Variants in VPS54 observed in about 807,000 individuals in gnomAD.
VPS54 encodes the protein VPS54 subunit of GARP complex.
VPS54 carries 45 observed loss-of-function variants against 121.5 expected under a neutral mutation model. That is an observed-to-expected ratio of 0.37 (90% confidence interval 0.29 to 0.47). VPS54 has a LOEUF of 0.47. VPS54 is among the 20% of genes least tolerant of loss of function. The pLI is 0.99. For synonymous variants in VPS54, 371 were observed against 385.8 expected (o/e 0.96, Z 0.45); for missense variants, 1,090 against 1,131.4 (o/e 0.96, Z 0.52).
At chr2:63,977,296 T>C (rs937579173) in intron 3 of VPS54, among the ~76,000 whole-genome samples, 2 of 152,238 alleles carry the variant, frequency 1.3e-5, no homozygotes, top group African/African-American at 4.8e-5. Context: ...TTAAATTTGC[T>C]CTTCTTTTGA....
Position 63,983,936 on chromosome 2 carries a change from T to C in VPS54, c.64A>G (p.Ile22Val), listed in dbSNP as rs1165249993. Residue 22 changes from isoleucine to valine, a missense_variant, in exon 2 of 23, where the codon ATA (isoleucine) becomes GTA (valine). Ile to Val is a conservative substitution (Grantham distance 29). This residue lies in a region of VPS54 where 801 missense variants were observed against 757.0 expected (regional missense o/e 1.06). Transcript: ENST00000272322. Reference protein sequence around the residue: ...QGSSSDVFFKIEVDPSKHIRP... With the variant: ...QGSSSDVFFKVEVDPSKHIRP... ...ATGTGTTTTGACGGATCTACCTCTA[T>C]TTTAAAGAAAACATCACTGCTGCTT... The C allele has an allele frequency of 8.7e-6, 14 of 1,613,974 alleles. No homozygotes were observed. In the East Asian group the frequency reaches 2.9e-4, roughly 33 times the overall value.
intron 9 of VPS54, among the ~76,000 whole-genome samples, chr2:63,946,024 C>T (rs1674961590): frequency 6.6e-6 from 1 of 152,060 alleles, no homozygotes; most frequent in Admixed American, 6.6e-5. Context: ...ATACCCAGAG[C>T]TCCTCCCCTA....
chr2:63,919,655 T>C (rs1271945275), intron 15 of VPS54, among the ~76,000 whole-genome samples: 1 of 152,088 alleles, frequency 6.6e-6, no homozygotes, highest in African/African-American at 2.4e-5. Context: ...ACTGGAGTAA[T>C]GCATGTAAAG....
chr2:64,013,660 TGATA>T (rs908365750), intron 1 of VPS54, among the ~76,000 whole-genome samples: 4 of 145,786 alleles, frequency 2.7e-5, no homozygotes, highest in African/African-American at 1.0e-4. Flanking sequence ...AGATATATAT[TGATA>T]TATATATCTA....
chr2:63,897,820 C>T (rs1436936030), intron 21 of VPS54, among the ~76,000 whole-genome samples: 2 of 152,024 alleles, frequency 1.3e-5, no homozygotes, highest in African/African-American at 2.4e-5. Context: ...GAAAAATTCC[C>T]GTAAGTGGGA....
chr2:63,938,829 ATGTT>A (rs1674585055), intron 11 of VPS54, among the ~76,000 whole-genome samples: 1 of 152,220 alleles, frequency 6.6e-6, no homozygotes. Context: ...CTGTGGATGG[ATGTT>A]TGTTAACAGT....
intron 22 of VPS54, among the ~76,000 whole-genome samples, chr2:63,894,347 T>G (rs1672350606): frequency 6.6e-6 from 1 of 152,166 alleles, no homozygotes; most frequent in Non-Finnish European, 1.5e-5. Flanking sequence ...ATGGCATGGT[T>G]ATAATGGAAA....
chr2:63,922,954 T>C (rs1673712894), intron 12 of VPS54, among the ~76,000 whole-genome samples: 1 of 151,402 alleles, frequency 6.6e-6, no homozygotes, highest in African/African-American at 2.4e-5. Flanking sequence ...AAAGAGTGAA[T>C]TAATCCAAAA....
At chr2:63,970,232 C>T (rs1162327564) in intron 4 of VPS54, among the ~76,000 whole-genome samples, 1 of 60,664 alleles carries the variant, frequency 1.6e-5, no homozygotes, top group Non-Finnish European at 3.6e-5. Flanking sequence ...CACACACACA[C>T]ACACATTCTA....
intron 17 of VPS54, 133 bp from the exon 18 acceptor site, chr2:63,913,443 A>C: frequency 2.0e-6 from 1 of 496,358 alleles, no homozygotes; most frequent in Non-Finnish European, 3.5e-6. Context: ...AGTAGAAGCA[A>C]TTAGTATCTA....
chr2:63,972,081 A>G, intron 4 of VPS54, 85 bp downstream of exon 4: 1 of 742,694 alleles, frequency 1.3e-6, no homozygotes, highest in Non-Finnish European at 2.0e-6. Flanking sequence ...TATAGATATA[A>G]CAGGCAATAA....
At chr2:63,940,699 T>C (rs1674682679) in intron 11 of VPS54, among the ~76,000 whole-genome samples, 1 of 152,144 alleles carries the variant, frequency 6.6e-6, no homozygotes, top group Admixed American at 6.5e-5. Context: ...CCAAGACCTA[T>C]CCATAACATT....
At chr2:63,993,360 A>C (rs1018369014) in intron 1 of VPS54, among the ~76,000 whole-genome samples, 25 of 152,296 alleles carry the variant, frequency 1.6e-4, no homozygotes, top group African/African-American at 5.8e-4. Flanking sequence ...CTGAGGCTTC[A>C]CTAGAACTGG....
intron 3 of VPS54, 80 bp downstream of exon 3, chr2:63,981,566 T>C (rs1315087382): frequency 1.4e-6 from 2 of 1,452,986 alleles, no homozygotes; most frequent in African/African-American, 2.8e-5. Context: ...ACATTACTGG[T>C]CAAAAATCTA....
intron 6 of VPS54, among the ~76,000 whole-genome samples, chr2:63,962,951 A>T (rs1430991835): frequency 6.6e-6 from 1 of 152,122 alleles, no homozygotes; most frequent in Admixed American, 6.5e-5. Flanking sequence ...TAGTATTATT[A>T]TCATTTTACA....
intron 1 of VPS54, among the ~76,000 whole-genome samples, chr2:63,998,860 TTC>T (rs750047696): frequency 6.6e-6 from 1 of 152,196 alleles, no homozygotes; most frequent in African/African-American, 2.4e-5. Context: ...TTCTATGATT[TTC>T]TGTGTACTTA....
intron 1 of VPS54, among the ~76,000 whole-genome samples, chr2:63,997,785 T>C (rs1677670994): frequency 6.6e-6 from 1 of 152,042 alleles, no homozygotes; most frequent in African/African-American, 2.4e-5. Flanking sequence ...AAATCCATCA[T>C]TAGGTTTTTA....
chr2:63,980,747 C>CA (rs950774536), intron 3 of VPS54, among the ~76,000 whole-genome samples: 1 of 151,904 alleles, frequency 6.6e-6, no homozygotes, highest in Non-Finnish European at 1.5e-5. Flanking sequence ...GATCAATATA[C>CA]AAATAGAAAA....
At chr2:63,913,131 G>T in intron 18 of VPS54, 92 bp downstream of exon 18, 2 of 1,032,458 alleles carry the variant, frequency 1.9e-6, no homozygotes, top group Non-Finnish European at 2.8e-6. Flanking sequence ...TTTGGTTAGA[G>T]CCATGAAAAC....
Sources: gnomAD v4.1 joint callset for allele counts (sites outside exome capture counted in the v4.1 genomes callset) on GRCh38, gnomAD v4.1.1 for gene constraint, gnomAD v4.1.1 regional missense constraint, MANE v1.5 for transcripts, NCBI Gene and HGNC (gene_info 2026-07-23, HGNC 2026-07-21) for gene names.